The following CNBD2 variants were observed in gnomAD, a reference collection of about 807,000 sequenced individuals.
CNBD2 encodes cyclic nucleotide binding domain containing 2.
In CNBD2, 64 loss-of-function variants were observed where a neutral mutation model predicts 63.7. The ratio of observed to expected loss-of-function variants is 1.00; its 90% CI spans 0.82 to 1.24. CNBD2 has a LOEUF of 1.24. Among genes scored for constraint, CNBD2 ranks in the 50% most tolerant of loss-of-function variants. The pLI, the probability that CNBD2 is intolerant of heterozygous loss-of-function variation, is 0.00. For synonymous variants in CNBD2, 229 were observed against 255.4 expected (o/e 0.90, Z 0.99); for missense variants, 691 against 713.5 (o/e 0.97, Z 0.36).
Position 35,968,808 on chromosome 20 carries a change from G to C in CNBD2, c.46G>C (p.Glu16Gln). Residue 16 changes from glutamate (E) to glutamine (Q), a missense_variant, in exon 1 of 12, where the codon GAA (glutamate) becomes CAA (glutamine). Coordinates refer to ENST00000373973, the MANE Select transcript of CNBD2 (RefSeq NM_001365709.1). ...TTATGCCTGGCAGCTCCTGAAGAAGGAACTGGTGAGGAGGGGCAAGGGCCC... is the reference window on the plus strand; with the variant it reads ...TTATGCCTGGCAGCTCCTGAAGAAGCAACTGGTGAGGAGGGGCAAGGGCCC... ...VTYAWQLLKK[E>Q]LGLYQLAMDI... The C allele has an allele frequency of 6.2e-7, 1 of 1,607,344 alleles. No individual in the cohort carries two copies. Among genetic ancestry groups the C allele is most frequent in the Non-Finnish European group, 8.5e-7 (1 of 1,177,332 alleles).
intron 10 of CNBD2, among the ~76,000 whole-genome samples, chr20:36,018,773 G>A (rs1263620631): frequency 6.6e-6 from 1 of 152,226 alleles, no homozygotes; most frequent in Non-Finnish European, 1.5e-5. Context: ...GCAGGCCAGA[G>A]CCATGGGCAG....
chr20:35,990,724 G>A (rs530056295), intron 7 of CNBD2, among the ~76,000 whole-genome samples: 1 of 151,618 alleles, frequency 6.6e-6, no homozygotes, highest in Middle Eastern at 3.5e-3. Context: ...GCCGAGGCGG[G>A]TGGATCACTT....
At chr20:35,980,697 G>A (rs2056586879) in intron 4 of CNBD2, 75 bp downstream of exon 4, 2 of 1,428,060 alleles carry the variant, frequency 1.4e-6, no homozygotes, top group African/African-American at 2.8e-5. Flanking sequence ...AGAAGGTGTG[G>A]CAGGTCCTGC....
At position 36,023,614 on chromosome 20, in the gene CNBD2, G is replaced by A. The variant is rs148485934; in HGVS notation, c.1282G>A (p.Ala428Thr). Residue 428 changes from alanine (A) to threonine (T), a missense_variant, in exon 11 of 12, where the codon GCC (alanine) becomes ACC (threonine). By Grantham distance (58) the Ala-to-Thr change is moderately conservative. Coordinates refer to ENST00000373973, the MANE Select transcript of CNBD2 (RefSeq NM_001365709.1). Reference protein sequence around the residue: ...EQGEILGLHQAFLPEGECDTR... With the variant: ...EQGEILGLHQTFLPEGECDTR... ...GACTTCTCCCGAGGGTCTTCACCAG[G>A]CCTTCCTTCCAGAGGGTGAATGCGA... The A allele has an allele frequency of 3.1e-6, 5 of 1,600,624 alleles. No individual in the cohort carries two copies. In the East Asian group the frequency reaches 6.8e-5, roughly 22 times the overall value.
rs1312650321 is a variant in CNBD2 at position 35,976,040 on chromosome 20, T to A, written c.243+38T>A. 2.6e-6 allele frequency: 4 copies of A among 1,568,512 alleles called. No homozygotes were observed. In the Admixed American group the frequency reaches 6.7e-5, roughly 26 times the overall value. On this transcript the variant is annotated intron_variant, in intron 3 of 11. Transcript: ENST00000373973. ...CGAAACTTGCTGTGGGGGAATTTTCTTTCTGCACCCTGGCTTGGAAGAAAC... is the reference window on the plus strand; with the variant it reads ...CGAAACTTGCTGTGGGGGAATTTTCATTCTGCACCCTGGCTTGGAAGAAAC...
At position 35,972,627 on chromosome 20, in the gene CNBD2, A is replaced by C. The variant is rs1568852466; in HGVS notation, c.52-2A>C. 1 of 1,613,996 alleles carries C rather than the reference A, an allele frequency of 6.2e-7. No homozygotes were observed. On this transcript the variant is annotated splice_acceptor_variant, in intron 1 of 11. Transcript: ENST00000373973. LOFTEE classifies it high-confidence loss of function. ...TTGATCTTGTTTGCTTTGTTTCCAT[A>C]GGGACTGTACCAGCTCGCCATGGAT...
At chr20:36,021,976 G>A (rs993582436) in intron 10 of CNBD2, among the ~76,000 whole-genome samples, 2 of 151,826 alleles carry the variant, frequency 1.3e-5, no homozygotes, top group Non-Finnish European at 2.9e-5. Context: ...GCAAAGATAA[G>A]GTCCAGAAGA....
At chr20:36,010,848 C>G (rs533528722) in intron 9 of CNBD2, among the ~76,000 whole-genome samples, 1 of 152,326 alleles carries the variant, frequency 6.6e-6, no homozygotes, top group African/African-American at 2.4e-5. Context: ...ACCCATTAGG[C>G]CTGGCTTGGC....
downstream of CNBD2, among the ~76,000 whole-genome samples, chr20:35,959,862 A>G (rs6121106): frequency 5.9e-3 from 892 of 152,326 alleles, 9 homozygotes; most frequent in African/African-American, 0.02. Flanking sequence ...AAAGCAGGGG[A>G]AGGATGTGAT....
intron 8 of CNBD2, among the ~76,000 whole-genome samples, chr20:36,001,629 C>T (rs1165820834): frequency 6.6e-6 from 1 of 150,474 alleles, no homozygotes; most frequent in Non-Finnish European, 1.5e-5. Flanking sequence ...AGGGGCTCCT[C>T]ACTTCTCAGA....
At chr20:35,976,120 C>G in intron 3 of CNBD2, 118 bp downstream of exon 3, 1 of 846,426 alleles carries the variant, frequency 1.2e-6, no homozygotes, top group Non-Finnish European at 2.0e-6. Flanking sequence ...ACCAACTCAG[C>G]TTGTCACCCT....
Position 35,984,679 on chromosome 20 carries a change from A to C in CNBD2, c.617A>C (p.Glu206Ala). 6.2e-7 allele frequency: 1 copy of C among 1,614,208 alleles called. No individual in the cohort carries two copies. Among genetic ancestry groups the C allele is most frequent in the Non-Finnish European group, 8.5e-7 (1 of 1,180,024 alleles). Residue 206 changes from glutamate to alanine, a missense_variant, in exon 6 of 12, where the codon GAA becomes GCA. Transcript: ENST00000373973. ...SVRRSTIVCMEETEFLVVDRE... is the reference protein window; with the variant it reads ...SVRRSTIVCMAETEFLVVDRE... ...AGGAGGTCCACCATCGTCTGTATGG[A>C]AGAAACGGAGTTCCTGGTTGTTGAC...
chr20:35,980,446 C>T lies in CNBD2; in HGVS notation c.244-13C>T. 1 of 1,613,834 alleles carries T rather than the reference C, an allele frequency of 6.2e-7. No individual in the cohort carries two copies. Among genetic ancestry groups the T allele is most frequent in the African/African-American group, 1.3e-5 (1 of 75,026 alleles). On this transcript the variant is annotated splice_polypyrimidine_tract_variant and intron_variant, in intron 3 of 11. Coordinates refer to ENST00000373973, the MANE Select transcript of CNBD2 (RefSeq NM_001365709.1). Reference sequence around the variant, plus strand: ...GCTGGGTCCCCTGTATCACTCTGGTCCTCTCTCCCCAGGGTCACTTTCCTC... The same window carrying T: ...GCTGGGTCCCCTGTATCACTCTGGTTCTCTCTCCCCAGGGTCACTTTCCTC...
At chr20:35,969,893 A>G (rs1421429282) in intron 1 of CNBD2, among the ~76,000 whole-genome samples, 1 of 152,238 alleles carries the variant, frequency 6.6e-6, no homozygotes, top group African/African-American at 2.4e-5. Flanking sequence ...TTGCTCTTCA[A>G]CATGGTTGTA....
At chr20:35,996,418 T>A (rs936183180) in intron 8 of CNBD2, among the ~76,000 whole-genome samples, 3 of 152,124 alleles carry the variant, frequency 2.0e-5, no homozygotes, top group African/African-American at 7.2e-5. Context: ...TGAATAACAG[T>A]GATCATTTAT....
In CNBD2 at chr20:35,980,533, C is replaced by G; in HGVS notation, c.318C>G (p.Ala106=). 1 of 1,614,152 alleles carries G rather than the reference C, an allele frequency of 6.2e-7. No individual in the cohort carries two copies. The highest frequency in any genetic ancestry group is 1.1e-5 in the South Asian group (1 of 91,084). Residue 106 remains alanine, a synonymous_variant, in exon 4 of 12, where the codon GCC becomes GCG. Transcript: ENST00000373973. ...GGAGAACAGAGGATGAGATCCAGGC[C>G]GTCTGTAACATCTTGCAGGTTCTGG... The part of the protein sequence containing the change: ...PSWRTEDEIQ[A]VCNILQVLDS...
At chr20:36,023,829 T>C in intron 11 of CNBD2, 58 bp downstream of exon 11, 2 of 1,448,952 alleles carry the variant, frequency 1.4e-6, no homozygotes, top group South Asian at 2.8e-5. Flanking sequence ...TTTTCACCTG[T>C]TATTTTAGTA....
intron 3 of CNBD2, among the ~76,000 whole-genome samples, chr20:35,978,915 G>A (rs890618727): frequency 6.6e-5 from 10 of 152,168 alleles, no homozygotes; most frequent in Non-Finnish European, 2.9e-5. Context: ...CATATAAGAG[G>A]ATTTTAACTA....
chr20:35,986,455 G>T (rs1348530442), intron 6 of CNBD2, among the ~76,000 whole-genome samples: 1 of 152,178 alleles, frequency 6.6e-6, no homozygotes, highest in Non-Finnish European at 1.5e-5. Flanking sequence ...CTGTAAAATG[G>T]GGATAAGGAT....
Sources: gnomAD v4.1 joint callset for allele counts (sites outside exome capture counted in the v4.1 genomes callset) on GRCh38, gnomAD v4.1.1 for gene constraint, MANE v1.5 for transcripts, NCBI Gene and HGNC (gene_info 2026-07-23, HGNC 2026-07-21) for gene names.